PHLDB2: variants seen among roughly 807,000 people sequenced by gnomAD.
PHLDB2 encodes pleckstrin homology-like domain family B member 2.
A neutral mutation model predicts 123.6 loss-of-function variants in PHLDB2; 71 were observed. The ratio of observed to expected loss-of-function variants is 0.57; its 90% CI spans 0.47 to 0.70. The LOEUF (loss-of-function observed/expected upper bound fraction) is 0.70, where lower values mean the gene tolerates loss of function less well. Among genes scored for constraint, PHLDB2 ranks in the 30% least tolerant of loss-of-function variants. The pLI, the probability that PHLDB2 is intolerant of heterozygous loss-of-function variation, is 0.00. For synonymous variants in PHLDB2, 547 were observed against 541.6 expected (o/e 1.01, Z -0.14); for missense variants, 1,446 against 1,519.5 (o/e 0.95, Z 0.80).
intron 2 of PHLDB2, among the ~76,000 whole-genome samples, chr3:111,851,807 A>T (rs1313971059): frequency 6.6e-6 from 1 of 151,706 alleles, no homozygotes; most frequent in African/African-American, 2.4e-5. Context: ...CCTTTCCTCA[A>T]ATCTGGCCCC....
At chr3:111,800,646 T>A (rs780405314) in intron 1 of PHLDB2, among the ~76,000 whole-genome samples, 1 of 152,212 alleles carries the variant, frequency 6.6e-6, no homozygotes, top group South Asian at 2.1e-4. Flanking sequence ...TGAACTTTCA[T>A]TTTTACTATT....
rs376410826 is a variant in PHLDB2 at position 111,871,142 on chromosome 3, T to C, written c.-15+11566T>C. ...AGTCAGTCCCTCTTCGATTAATTCC[T>C]ACTATATTGATTGGATGATCCTAAG... On this transcript the variant is annotated intron_variant, in intron 1 of 17. Coordinates refer to ENST00000431670, the MANE Select transcript of PHLDB2 (RefSeq NM_001134438.2). Among the ~76,000 whole-genome samples, 4 of 152,332 alleles carry C rather than the reference T, an allele frequency of 2.6e-5. No individual in the cohort carries two copies. In the East Asian group the frequency reaches 5.8e-4, roughly 22 times the overall value.
rs183198799 is a variant in PHLDB2 at position 111,873,450 on chromosome 3, A to G, written c.-14-10614A>G. ...GCATTTCCAACTACAAACAGGTTCG[A>G]GTATATTAATGTATTTTATCATCTA... On this transcript the variant is annotated intron_variant, in intron 1 of 17. Transcript: ENST00000431670. Among the ~76,000 whole-genome samples, 3 of 152,322 alleles carry G rather than the reference A, an allele frequency of 2.0e-5. No individual in the cohort carries two copies. In the East Asian group the frequency reaches 5.8e-4, roughly 29 times the overall value.
intron 1 of PHLDB2, among the ~76,000 whole-genome samples, chr3:111,804,008 T>C (rs2061478146): frequency 7.3e-6 from 1 of 137,862 alleles, no homozygotes; most frequent in Non-Finnish European, 1.7e-5. Context: ...GCCTTTCCTG[T>C]CCTCTAATTC....
chr3:111,940,697 C>A, intron 8 of PHLDB2, 52 bp downstream of exon 8: 2 of 1,084,798 alleles, frequency 1.8e-6, no homozygotes, highest in Non-Finnish European at 2.6e-6. Flanking sequence ...GTTCCAAATT[C>A]AGGGAAATTG....
At chr3:111,858,084 G>A (rs1182628240), upstream of PHLDB2, among the ~76,000 whole-genome samples, 1 of 152,190 alleles carries the variant, frequency 6.6e-6, no homozygotes, top group African/African-American at 2.4e-5. Context: ...ACTGGATGAA[G>A]AAAATGTGGC....
intron 8 of PHLDB2, among the ~76,000 whole-genome samples, chr3:111,944,043 TC>T (rs1340411434): frequency 6.6e-6 from 1 of 152,194 alleles, no homozygotes; most frequent in Admixed American, 6.5e-5. Flanking sequence ...AATACAGGAC[TC>T]CTCAACAATA....
chr3:111,911,517 C>G lies in PHLDB2; in HGVS notation c.1336-1802C>G, dbSNP rs932346609. The G allele has an allele frequency of 7.2e-5, 73 of 1,014,808 alleles. No homozygotes were observed. In the African/African-American group the frequency reaches 1.1e-3, roughly 15 times the overall value. The allele number at this position is 1,014,808 out of a possible 1,614,324, so 62.9% of individuals were successfully genotyped here. A position where few individuals can be genotyped will look rare whatever the true frequency, so the allele number is the denominator to read the frequency against. ...TAAAATAAGGCAATGAAGGCTATGT[C>G]CCCCCTGCTTCCTCCCTATAAAGCT... On this transcript the variant is annotated intron_variant, in intron 2 of 17. Coordinates refer to ENST00000431670, the MANE Select transcript of PHLDB2 (RefSeq NM_001134438.2).
intron 1 of PHLDB2, among the ~76,000 whole-genome samples, chr3:111,759,489 A>G (rs1390139669): frequency 6.6e-6 from 1 of 152,186 alleles, no homozygotes; most frequent in African/African-American, 2.4e-5. Flanking sequence ...AGACCACAAC[A>G]TTGAGATTTT....
At chr3:111,774,106 T>G (rs556481892) in intron 1 of PHLDB2, among the ~76,000 whole-genome samples, 10 of 152,362 alleles carry the variant, frequency 6.6e-5, no homozygotes, top group Middle Eastern at 3.4e-3. Flanking sequence ...TGCTGCTTCA[T>G]TCACACAGTG....
intron 1 of PHLDB2, among the ~76,000 whole-genome samples, chr3:111,785,470 T>C (rs1399186717): frequency 6.6e-6 from 1 of 152,180 alleles, no homozygotes; most frequent in Non-Finnish European, 1.5e-5. Flanking sequence ...CATTTGGAAT[T>C]CTCAAATCTC....
At chr3:111,780,455 T>C (rs1013993161) in intron 1 of PHLDB2, among the ~76,000 whole-genome samples, 4 of 150,858 alleles carry the variant, frequency 2.7e-5, no homozygotes, top group African/African-American at 9.8e-5. Context: ...TGCCTTGCTT[T>C]CTTTTCCATT....
In PHLDB2 at chr3:111,974,740, C is replaced by A; in HGVS notation, c.*177C>A. On this transcript the variant is annotated 3_prime_UTR_variant, in exon 18 of 18. Transcript: ENST00000431670. ...AAAAAATAAAGAAGGGGTTTTAATA[C>A]AAACCTTCATAATAAATAGCAAAAT... is the stretch of plus-strand genomic sequence containing the variant. The A allele has an allele frequency of 1.9e-6, 1 of 519,288 alleles. No individual in the cohort carries two copies. Among genetic ancestry groups the A allele is most frequent in the Non-Finnish European group, 3.0e-6 (1 of 332,466 alleles). 32.2% of individuals were successfully genotyped at this position (519,288 alleles called of 1,614,324 possible).
chr3:111,786,984 A>G (rs1220743086), intron 1 of PHLDB2, among the ~76,000 whole-genome samples: 1 of 152,222 alleles, frequency 6.6e-6, no homozygotes, highest in Non-Finnish European at 1.5e-5. Flanking sequence ...TTCATCAAAA[A>G]AAAAGTTTAA....
intron 1 of PHLDB2, chr3:111,779,797 C>T: frequency 2.2e-6 from 2 of 923,962 alleles, no homozygotes; most frequent in Non-Finnish European, 2.6e-6. Context: ...CTTAAGAGGA[C>T]TCTGACCTCC....
intron 7 of PHLDB2, among the ~76,000 whole-genome samples, chr3:111,940,040 A>C (rs902199239): frequency 3.3e-5 from 5 of 152,174 alleles, no homozygotes; most frequent in African/African-American, 1.2e-4. Context: ...TGCCATGTGG[A>C]TTACTACTGA....
At chr3:111,876,825 G>A (rs1038747075) in intron 1 of PHLDB2, among the ~76,000 whole-genome samples, 1 of 152,104 alleles carries the variant, frequency 6.6e-6, no homozygotes, top group Non-Finnish European at 1.5e-5. Context: ...GCCGTGTTTG[G>A]TTTTCTGTTC....
rs2068922790 is a variant in PHLDB2 at position 111,928,312 on chromosome 3, A to G, written c.2002-3957A>G. Among the ~76,000 whole-genome samples, 4 of 152,322 alleles carry G rather than the reference A, an allele frequency of 2.6e-5. No homozygotes were observed. In the South Asian group the frequency reaches 8.3e-4, roughly 32 times the overall value. On this transcript the variant is annotated intron_variant, in intron 5 of 17. Transcript: ENST00000431670. ...TTGGTGGATCCTGTATTAATGTTCT[A>G]TATATTCATTAGAAAAATCAAATTG...
chr3:111,914,370 G>A (rs902139631), intron 3 of PHLDB2: 5 of 151,648 alleles, frequency 3.3e-5, no homozygotes, highest in African/African-American at 9.7e-5. Flanking sequence ...TTTCCAAATC[G>A]TACTTCTAAA....
Sources: allele counts gnomAD v4.1 joint callset (sites outside exome capture counted in the v4.1 genomes callset), GRCh38; gene constraint gnomAD v4.1.1; transcripts MANE v1.5; gene names NCBI Gene and HGNC (gene_info 2026-07-23, HGNC 2026-07-21).